The following SIPA1L2 variants were observed in gnomAD, a reference collection of about 807,000 sequenced individuals.
SIPA1L2 encodes signal induced proliferation associated 1 like 2, also known as signal-induced proliferation-associated 1-like protein 2.
A neutral mutation model predicts 163.9 loss-of-function variants in SIPA1L2; 56 were observed. That is an observed-to-expected ratio of 0.34 (90% CI 0.28 to 0.43). The LOEUF (loss-of-function observed/expected upper bound fraction) is 0.43, where lower values mean the gene tolerates loss of function less well. SIPA1L2 is among the 20% of genes least tolerant of loss of function. The pLI, the probability that SIPA1L2 is intolerant of heterozygous loss-of-function variation, is 1.00. For synonymous variants in SIPA1L2, 877 were observed against 865.7 expected (o/e 1.01, Z -0.23); for missense variants, 1,974 against 2,193.5 (o/e 0.90, Z 2.00).
intron 7 of SIPA1L2, 50 bp from the exon 8 acceptor site, chr1:232,471,578 AAT>A: frequency 4.8e-6 from 7 of 1,460,282 alleles, no homozygotes; most frequent in Non-Finnish European, 6.5e-6. Context: ...TTTAAAACAA[AAT>A]ATATATATAA....
intron 7 of SIPA1L2, among the ~76,000 whole-genome samples, chr1:232,471,838 C>T (rs924166363): frequency 6.6e-6 from 1 of 152,188 alleles, no homozygotes; most frequent in Admixed American, 6.5e-5. Flanking sequence ...GAGCTCACAA[C>T]ACTTTGAGAA....
intron 2 of SIPA1L2, among the ~76,000 whole-genome samples, chr1:232,566,515 C>T (rs564450195): frequency 5.3e-5 from 8 of 152,276 alleles, no homozygotes; most frequent in Middle Eastern, 3.4e-3. Context: ...TTTTCACTAA[C>T]GGAATATACA....
chr1:232,561,896 C>T (rs1164568401), intron 2 of SIPA1L2, among the ~76,000 whole-genome samples: 1 of 152,192 alleles, frequency 6.6e-6, no homozygotes, highest in Non-Finnish European at 1.5e-5. Context: ...CCTCAGGTGA[C>T]TCTTGATATG....
chr1:232,445,872 A>T, intron 10 of SIPA1L2, 86 bp from the exon 11 acceptor site: 4 of 1,480,602 alleles, frequency 2.7e-6, no homozygotes, highest in Non-Finnish European at 3.7e-6. Context: ...CCCTCAACAC[A>T]CATCACATGG....
At chr1:232,404,228 T>C in intron 19 of SIPA1L2, 50 bp from the exon 20 acceptor site, 2 of 1,577,542 alleles carry the variant, frequency 1.3e-6, no homozygotes, top group South Asian at 1.1e-5. Context: ...CTCTCTATAC[T>C]TGAGAATCTC....
intron 2 of SIPA1L2, among the ~76,000 whole-genome samples, chr1:232,527,779 G>T (rs1887052): frequency 0.82 from 110,861 of 134,654 alleles, 46,187 homozygotes; most frequent in Middle Eastern, 0.96. Flanking sequence ...TTGCCCAGGT[G>T]GGGGTGCAGA....
intron 3 of SIPA1L2, among the ~76,000 whole-genome samples, chr1:232,509,748 C>T (rs978735308): frequency 6.6e-6 from 1 of 152,192 alleles, no homozygotes; most frequent in Non-Finnish European, 1.5e-5. Context: ...AACAAGAGAC[C>T]AGCAAGAGCA....
Position 232,513,885 on chromosome 1 carries a change from A to G in SIPA1L2, c.1455T>C (p.Tyr485=). 1.3e-6 allele frequency: 2 copies of G among 1,588,898 alleles called. No homozygotes were observed. The highest frequency in any genetic ancestry group is 1.7e-6 in the Non-Finnish European group (2 of 1,170,594). Residue 485 remains tyrosine, a synonymous_variant, in exon 3 of 23, where the codon TAT becomes TAC. Coordinates refer to ENST00000674635, the MANE Select transcript of SIPA1L2 (RefSeq NM_020808.5). ...YIIEHIDLGA[Y]YYRKFFYGKE... The stretch of plus-strand genomic sequence containing the variant: ...TCCCATAGAAGAATTTGCGGTAATA[A>G]TAGGCCCCAAGGTCAATGTGTTCTA...
intron 18 of SIPA1L2, among the ~76,000 whole-genome samples, chr1:232,423,251 G>A (rs1027571428): frequency 2.0e-5 from 3 of 152,172 alleles, no homozygotes; most frequent in Admixed American, 1.3e-4. Flanking sequence ...CGCCATATAC[G>A]TGGTCAACTT....
intron 15 of SIPA1L2, among the ~76,000 whole-genome samples, chr1:232,435,081 T>C (rs1262390693): frequency 6.6e-6 from 1 of 152,164 alleles, no homozygotes; most frequent in East Asian, 1.9e-4. Context: ...TCTCATGTAT[T>C]TTAAAGCCTT....
chr1:232,610,095 T>C (rs1006037469), intron 1 of SIPA1L2, among the ~76,000 whole-genome samples: 1 of 152,246 alleles, frequency 6.6e-6, no homozygotes, highest in African/African-American at 2.4e-5. Context: ...TCTTTTTTCC[T>C]ATGTTTATTG....
At chr1:232,620,453 T>C (rs553278767) in intron 1 of SIPA1L2, among the ~76,000 whole-genome samples, 32 of 152,344 alleles carry the variant, frequency 2.1e-4, no homozygotes, top group South Asian at 4.1e-4. Context: ...ATGAAAGCAG[T>C]GTCTCTTGAA....
At chr1:232,449,315 G>A (rs1196086434) in intron 10 of SIPA1L2, among the ~76,000 whole-genome samples, 1 of 151,332 alleles carries the variant, frequency 6.6e-6, no homozygotes, top group East Asian at 2.0e-4. Context: ...TCAGGAGATT[G>A]AGACCATCCT....
intron 1 of SIPA1L2, among the ~76,000 whole-genome samples, chr1:232,621,290 T>C (rs1280160343): frequency 6.6e-6 from 1 of 152,210 alleles, no homozygotes; most frequent in Non-Finnish European, 1.5e-5. Context: ...ACCCTCAGCC[T>C]CCACTTCCCC....
chr1:232,464,198 G>T (rs10797570), intron 9 of SIPA1L2, among the ~76,000 whole-genome samples: 46,848 of 151,978 alleles, frequency 0.31, 8,089 homozygotes, highest in East Asian at 0.72. Context: ...ACTAAAATCT[G>T]ATTCTTACTT....
intron 1 of SIPA1L2, among the ~76,000 whole-genome samples, chr1:232,576,670 A>G (rs1660095541): frequency 1.3e-5 from 2 of 152,390 alleles, no homozygotes; most frequent in African/African-American, 4.8e-5. Context: ...ACAGGCCGAA[A>G]GCTAAGCCTC....
At chr1:232,564,486 G>A (rs552057951) in intron 2 of SIPA1L2, among the ~76,000 whole-genome samples, 1 of 151,904 alleles carries the variant, frequency 6.6e-6, no homozygotes, top group Non-Finnish European at 1.5e-5. Context: ...GCCTGCAAGG[G>A]ATGGGCCACC....
intron 7 of SIPA1L2, among the ~76,000 whole-genome samples, chr1:232,474,179 A>G (rs1375785193): frequency 1.3e-5 from 2 of 152,214 alleles, no homozygotes; most frequent in African/African-American, 2.4e-5. Flanking sequence ...TTCTGGGGCG[A>G]ACTTCTTTCT....
At position 232,514,748 on chromosome 1, in the gene SIPA1L2, T is replaced by G. The variant is rs745344467; in HGVS notation, c.592A>C (p.Ile198Leu). 6.2e-7 allele frequency: 1 copy of G among 1,614,222 alleles called. No individual in the cohort carries two copies. Among genetic ancestry groups the G allele is most frequent in the East Asian group, 2.2e-5 (1 of 44,878 alleles). The change falls in exon 3 of 23, where the codon ATC becomes CTC. Residue 198 changes from isoleucine to leucine, a missense_variant. Ile to Leu is a conservative substitution (Grantham distance 5, BLOSUM62 2). This residue lies in a region of SIPA1L2 where 607 missense variants were observed against 624.0 expected (regional missense o/e 0.97). Transcript: ENST00000674635. The stretch of plus-strand genomic sequence containing the variant: ...TCACCAGATAAGCCTTGCCTGTCGA[T>G]GGATGAAGTACTTCCATACTCCCTG... The part of the protein sequence containing the change: ...LHREYGSTSS[I>L]DRQGLSGENF...
Sources: gnomAD v4.1 joint callset for allele counts (sites outside exome capture counted in the v4.1 genomes callset) on GRCh38, gnomAD v4.1.1 for gene constraint, gnomAD v4.1.1 regional missense constraint, MANE v1.5 for transcripts, NCBI Gene and HGNC (gene_info 2026-07-23, HGNC 2026-07-21) for gene names.